The following HYDIN variants were observed in gnomAD, a reference collection of about 807,000 sequenced individuals.
HYDIN encodes the protein HYDIN axonemal central pair apparatus protein, also known as axonemal central pair apparatus protein HYDIN.
HYDIN carries 132 observed loss-of-function variants against 403.9 expected under a neutral mutation model. That is an observed-to-expected ratio of 0.33 (90% CI 0.28 to 0.38). The LOEUF is 0.38. HYDIN is among the 10% of genes least tolerant of loss of function. The pLI, the probability that HYDIN is intolerant of heterozygous loss-of-function variation, is 1.00. For synonymous variants in HYDIN, 1,202 were observed against 1,891.7 expected, an observed-to-expected ratio of 0.64 and a Z score of 9.46; for missense variants, 2,827 against 5,009.5, an observed-to-expected ratio of 0.56 and a Z score of 13.15.
At chr16:71,119,898 A>G (rs1317548465) in intron 9 of HYDIN, among the ~76,000 whole-genome samples, 1 of 151,928 alleles carries the variant, frequency 6.6e-6, no homozygotes, top group East Asian at 1.9e-4. Flanking sequence ...TGACTTCTTT[A>G]ACACTTCTGA....
At chr16:71,010,450 T>G (rs1037065185) in intron 23 of HYDIN, among the ~76,000 whole-genome samples, 1 of 151,998 alleles carries the variant, frequency 6.6e-6, no homozygotes, top group African/African-American at 2.4e-5. Context: ...GGAGAAAATA[T>G]CTCAAAGCTG....
At chr16:70,933,596 C>T (rs1333941602) in intron 45 of HYDIN, 1 of 154,246 alleles carries the variant, frequency 6.5e-6, no homozygotes, top group Non-Finnish European at 1.5e-5. Flanking sequence ...CCAGCTTCCT[C>T]ATCTCCAAAA....
At chr16:71,073,354 A>C (rs2082528711) in intron 13 of HYDIN, among the ~76,000 whole-genome samples, 1 of 152,136 alleles carries the variant, frequency 6.6e-6, no homozygotes, top group Non-Finnish European at 1.5e-5. Context: ...CTTTGCTCAC[A>C]CCTACTATGA....
chr16:70,969,017 T>C (rs1023266128), intron 36 of HYDIN, among the ~76,000 whole-genome samples: 1 of 151,950 alleles, frequency 6.6e-6, no homozygotes, highest in Non-Finnish European at 1.5e-5. Context: ...AAACTCAATA[T>C]GTGGGCAGAA....
chr16:70,808,777 TC>T (rs2035265664), intron 85 of HYDIN, among the ~76,000 whole-genome samples: 2 of 152,176 alleles, frequency 1.3e-5, no homozygotes, highest in East Asian at 3.9e-4. Flanking sequence ...CTTTCCTAGC[TC>T]CTTTGTTGAT....
In HYDIN at chr16:70,940,612, A is replaced by G. The variant is rs560296156; in HGVS notation, c.6853+1024T>C. Among the ~76,000 whole-genome samples the G allele has an allele frequency of 3.9e-5, 6 of 152,294 alleles. No homozygotes were observed. In the East Asian group the frequency reaches 9.6e-4, roughly 24 times the overall value. On this transcript the variant is annotated intron_variant, in intron 43 of 85. Transcript: ENST00000393567. ...AAAGGAGAAGTGGTAATTATTTTCA[A>G]GTGGATCAGTATGGAGAAATGAGCT...
chr16:71,208,177 AT>A (rs1451199041), intron 1 of HYDIN, among the ~76,000 whole-genome samples: 1 of 152,182 alleles, frequency 6.6e-6, no homozygotes, highest in East Asian at 1.9e-4. Flanking sequence ...ACATAAAACA[AT>A]CCTCAGCAAA....
chr16:70,999,941 A>C (rs1474125797), intron 23 of HYDIN, among the ~76,000 whole-genome samples: 1 of 152,156 alleles, frequency 6.6e-6, no homozygotes, highest in Non-Finnish European at 1.5e-5. Flanking sequence ...ACGCTCCAGA[A>C]GGTGTCCCCA....
intron 53 of HYDIN, 81 bp from the exon 54 acceptor site, chr16:70,896,161 G>T: frequency 1.3e-6 from 2 of 1,551,846 alleles, no homozygotes; most frequent in East Asian, 2.3e-5. Flanking sequence ...TCCTAACGGG[G>T]ATACGGCAGG....
chr16:70,927,180 T>C (rs2077179508), intron 45 of HYDIN, among the ~76,000 whole-genome samples: 1 of 142,258 alleles, frequency 7.0e-6, no homozygotes, highest in African/African-American at 2.6e-5. Flanking sequence ...CAAATCATAG[T>C]AAATTACTGA....
At chr16:70,909,929 C>T (rs1227439912) in intron 47 of HYDIN, among the ~76,000 whole-genome samples, 16 of 150,360 alleles carry the variant, frequency 1.1e-4, no homozygotes, top group South Asian at 2.1e-4. Flanking sequence ...TCTGACCTCG[C>T]GATCCACCTG....
At chr16:70,926,794 A>C (rs1376367874) in intron 45 of HYDIN, among the ~76,000 whole-genome samples, 2 of 151,748 alleles carry the variant, frequency 1.3e-5, no homozygotes, top group Admixed American at 1.3e-4. Context: ...AATTTTAAAG[A>C]GAACTAGAAA....
chr16:70,839,922 T>G lies in HYDIN; in HGVS notation c.13043+142A>C, dbSNP rs28485468. 919 of 557,298 alleles carry G rather than the reference T, an allele frequency of 1.6e-3. 6 individuals carry two copies. The highest frequency in any genetic ancestry group is 0.011 in the African/African-American group (572 of 51,318). The allele number at this position is 557,298 out of a possible 1,614,324, so 34.5% of individuals were successfully genotyped here. On this transcript the variant is annotated intron_variant, in intron 76 of 85. Coordinates refer to ENST00000393567, the MANE Select transcript of HYDIN (RefSeq NM_001270974.2). Reference sequence around the variant, plus strand: ...AGTGTTAGTTATGGGGACAGGGACCTAGGATTCATACCCACTTTTGTTTGA... The same window carrying G: ...AGTGTTAGTTATGGGGACAGGGACCGAGGATTCATACCCACTTTTGTTTGA...
At chr16:70,950,907 A>G (rs971951090) in intron 41 of HYDIN, among the ~76,000 whole-genome samples, 19 of 151,388 alleles carry the variant, frequency 1.3e-4, no homozygotes, top group Admixed American at 1.2e-3. Flanking sequence ...TTCTCTCTCC[A>G]CTCCTGAATG....
At chr16:71,174,150 G>A (rs1048188592) in intron 5 of HYDIN, among the ~76,000 whole-genome samples, 2 of 151,972 alleles carry the variant, frequency 1.3e-5, no homozygotes, top group African/African-American at 4.8e-5. Context: ...CAAAATTGTA[G>A]TTTCCTAAAC....
In HYDIN at chr16:70,901,019, C is replaced by T. The variant is rs777571137; in HGVS notation, c.9033G>A (p.Lys3011=). 4.6e-5 allele frequency: 28 copies of T among 613,494 alleles called. No individual in the cohort carries two copies. The South Asian group carries it at 5.2e-4, about 11-fold the overall frequency. The allele number at this position is 613,494 out of a possible 1,614,324, so 38.0% of individuals were successfully genotyped here. A position where few individuals can be genotyped will look rare whatever the true frequency, so the allele number is the denominator to read the frequency against. Residue 3011 remains lysine, a synonymous_variant, in exon 53 of 86, where the codon AAG becomes AAA. Coordinates refer to ENST00000393567, the MANE Select transcript of HYDIN (RefSeq NM_001270974.2). ...GAAGCCTCACCTCCAACCGAATAGC[C>T]TTCTTGATGTTGACAGGCTTGGTGG... ...FQPTKPVNIK[K]AIRLEVLDAE...
intron 10 of HYDIN, among the ~76,000 whole-genome samples, chr16:71,112,975 T>G (rs993000517): frequency 6.6e-6 from 1 of 152,146 alleles, no homozygotes; most frequent in African/African-American, 2.4e-5. Flanking sequence ...CAGGATTGTC[T>G]GCAAAGAAGC....
At chr16:70,933,316 C>A (rs1158540379) in intron 45 of HYDIN, among the ~76,000 whole-genome samples, 2 of 151,198 alleles carry the variant, frequency 1.3e-5, no homozygotes, top group African/African-American at 2.4e-5. Context: ...GGCCTGGGAG[C>A]TGAAAGAAGG....
In HYDIN at chr16:70,936,855, T is replaced by A. The variant is rs538935191; in HGVS notation, c.6996-741A>T. ...CCAGAAACGGTATTTTCAAAGCAGT[T>A]TCTATGGTGGCTAGCTCAGAGCCAT... On this transcript the variant is annotated intron_variant, in intron 44 of 85. Transcript: ENST00000393567. Among the ~76,000 whole-genome samples, 6 of 151,132 alleles carry A rather than the reference T, an allele frequency of 4.0e-5. No homozygotes were observed. In the South Asian group the frequency reaches 1.0e-3, roughly 26 times the overall value.
Sources: allele counts gnomAD v4.1 joint callset (sites outside exome capture counted in the v4.1 genomes callset), GRCh38; gene constraint gnomAD v4.1.1; transcripts MANE v1.5; gene names NCBI Gene and HGNC (gene_info 2026-07-23, HGNC 2026-07-21).